NIPSNAP3B: variants seen among roughly 807,000 people sequenced by gnomAD.
The protein encoded by NIPSNAP3B is protein NipSnap homolog 3B.
NIPSNAP3B carries 30 observed loss-of-function variants against 31.5 expected under a neutral mutation model. The ratio of observed to expected loss-of-function variants is 0.95; its 90% CI spans 0.71 to 1.29. The LOEUF is 1.29. Ranked by LOEUF, NIPSNAP3B falls within the 50% of genes most tolerant of loss-of-function variation. The probability of loss-of-function intolerance (pLI) is 0.00; values close to 1 mark genes in which losing one functional copy is unlikely to be tolerated. For synonymous variants in NIPSNAP3B, 106 were observed against 107.9 expected (o/e 0.98, Z 0.11); for missense variants, 269 against 300.7 (o/e 0.89, Z 0.78).
chr9:104,786,922 C>G, the NIPSNAP3B span: 1 of 1,614,036 alleles, frequency 6.2e-7, no homozygotes, highest in Non-Finnish European at 8.5e-7. Context: ...ACACTTAGGG[C>G]ACAATTCCAC....
chr9:104,785,669 G>A, the NIPSNAP3B span: 6 of 1,612,888 alleles, frequency 3.7e-6, no homozygotes, highest in Non-Finnish European at 5.1e-6. Flanking sequence ...CCCAAATGGA[G>A]GATCTCCAGA....
At chr9:104,778,014 A>G (rs1828373101), downstream of NIPSNAP3B, among the ~76,000 whole-genome samples, 1 of 152,164 alleles carries the variant, frequency 6.6e-6, no homozygotes, top group Non-Finnish European at 1.5e-5. Flanking sequence ...ATAATTGACA[A>G]CTTCTGCCTT....
chr9:104,774,988 TC>T lies in NIPSNAP3B; in HGVS notation c.*1916del, dbSNP rs1275298559. Among the ~76,000 whole-genome samples, 7 of 152,060 alleles carry T rather than the reference TC, an allele frequency of 4.6e-5. No homozygotes were observed. The highest frequency in any genetic ancestry group is 7.4e-5 in the Non-Finnish European group (5 of 68,026). ...AAGTTCCCACCCCGTCTGCCCGCTT[TC>T]TACAGCCAACCCCACATGCCCTGCC... On this transcript the variant is annotated 3_prime_UTR_variant, in exon 6 of 6. Coordinates refer to ENST00000374762, the MANE Select transcript of NIPSNAP3B (RefSeq NM_018376.4).
chr9:104,780,657 T>C (rs1828475494), downstream of NIPSNAP3B, among the ~76,000 whole-genome samples: 1 of 152,220 alleles, frequency 6.6e-6, no homozygotes, highest in African/African-American at 2.4e-5. Flanking sequence ...AAAAGGACAC[T>C]GAAGGCTGCC....
chr9:104,783,911 T>C, the NIPSNAP3B span: 1 of 191,070 alleles, frequency 5.2e-6, no homozygotes, highest in Admixed American at 5.4e-5. Flanking sequence ...GGATGTGCAT[T>C]ACCTTTTGAT....
chr9:104,772,923 T>C lies in NIPSNAP3B; in HGVS notation c.667+15T>C. 1.9e-6 allele frequency: 3 copies of C among 1,613,762 alleles called. No individual in the cohort carries two copies. The highest frequency in any genetic ancestry group is 2.5e-6 in the Non-Finnish European group (3 of 1,179,844). The stretch of plus-strand genomic sequence containing the variant: ...TGTGGCGGCTGGTAAGCTGTTTCAC[T>C]AAGCACGAATTATTTTTAGAACAAA... On this transcript the variant is annotated intron_variant, in intron 5 of 5. Transcript: ENST00000374762.
chr9:104,766,631 ATAC>A, intron 2 of NIPSNAP3B, 96 bp downstream of exon 2: 2 of 1,215,066 alleles, frequency 1.6e-6, no homozygotes, highest in Non-Finnish European at 2.4e-6. Context: ...CCATAGATAC[ATAC>A]AGGTTAAGTA....
At chr9:104,770,691 A>T (rs1023682384) in intron 3 of NIPSNAP3B, among the ~76,000 whole-genome samples, 158 bp from the exon 4 acceptor site, 2 of 152,230 alleles carry the variant, frequency 1.3e-5, no homozygotes, top group Non-Finnish European at 2.9e-5. Flanking sequence ...AAAAGCAAAG[A>T]AAAATAATGC....
Position 104,773,319 on chromosome 9 carries a change from C to G in NIPSNAP3B, c.*246C>G. 1 of 428,176 alleles carries G rather than the reference C, an allele frequency of 2.3e-6. No homozygotes were observed. Among genetic ancestry groups the G allele is most frequent in the Non-Finnish European group, 4.1e-6 (1 of 241,338 alleles). The allele number at this position is 428,176 out of a possible 1,614,324, so 26.5% of individuals were successfully genotyped here. On this transcript the variant is annotated 3_prime_UTR_variant, in exon 6 of 6. Coordinates refer to ENST00000374762, the MANE Select transcript of NIPSNAP3B (RefSeq NM_018376.4). Reference sequence around the variant, plus strand: ...TTAGAAGTAGTTGTCACTATTTCATCATCTTGGTTTTTCATTTGTTTTAGA... The same window carrying G: ...TTAGAAGTAGTTGTCACTATTTCATGATCTTGGTTTTTCATTTGTTTTAGA...
chr9:104,784,497 C>A, the NIPSNAP3B span: 1 of 1,612,236 alleles, frequency 6.2e-7, no homozygotes, highest in South Asian at 1.1e-5. Flanking sequence ...TACCACTCAA[C>A]TTGCTCATTC....
At chr9:104,780,870 C>A (rs1461099602), downstream of NIPSNAP3B, 1 of 152,440 alleles carries the variant, frequency 6.6e-6, no homozygotes, top group African/African-American at 2.4e-5. Context: ...CCTCAGTTCT[C>A]TTTTATGATT....
intron 1 of NIPSNAP3B, among the ~76,000 whole-genome samples, chr9:104,765,415 A>C (rs546318246): frequency 1.3e-5 from 2 of 152,336 alleles, no homozygotes; most frequent in African/African-American, 4.8e-5. Context: ...GTGTGTTTAC[A>C]TAAATATTTG....
chr9:104,764,169 C>T lies in NIPSNAP3B; in HGVS notation c.-72C>T. 4 of 1,441,860 alleles carry T rather than the reference C, an allele frequency of 2.8e-6. No homozygotes were observed. The highest frequency in any genetic ancestry group is 1.2e-5 in the South Asian group (1 of 80,432). 89.3% of individuals were successfully genotyped at this position (1,441,860 alleles called of 1,614,324 possible). A position where few individuals can be genotyped will look rare whatever the true frequency, so the allele number is the denominator to read the frequency against. On this transcript the variant is annotated 5_prime_UTR_variant, in exon 1 of 6. Coordinates refer to ENST00000374762, the MANE Select transcript of NIPSNAP3B (RefSeq NM_018376.4). ...CAGTGGTCCAGGAGCCGCTTTTTTC[C>T]ACTCGGGAAGACTTCAGAGAAGTCT...
At chr9:104,766,198 T>C (rs989395781) in intron 1 of NIPSNAP3B, 127 bp from the exon 2 acceptor site, 2 of 688,368 alleles carry the variant, frequency 2.9e-6, no homozygotes, top group African/African-American at 1.8e-5. Context: ...ATATGGAGAA[T>C]TGACAACAAA....
At position 104,764,207 on chromosome 9, in the gene NIPSNAP3B, G is replaced by A. The variant is rs966274392; in HGVS notation, c.-34G>A. ...TTCAGAGAAGTCTCACAAAGGACTC[G>A]GCTGGCTGCTTTTCTCAGTGCCGAA... On this transcript the variant is annotated 5_prime_UTR_variant, in exon 1 of 6. Transcript: ENST00000374762. The A allele has an allele frequency of 4.4e-6, 7 of 1,585,846 alleles. No individual in the cohort carries two copies. Among genetic ancestry groups the A allele is most frequent in the Non-Finnish European group, 6.0e-6 (7 of 1,166,786 alleles).
In NIPSNAP3B at chr9:104,773,292, CATTAGAAGTAG is replaced by C; in HGVS notation, c.*220_*230del. On this transcript the variant is annotated 3_prime_UTR_variant, in exon 6 of 6. Coordinates refer to ENST00000374762, the MANE Select transcript of NIPSNAP3B (RefSeq NM_018376.4). Reference sequence around the variant, plus strand: ...CCTTGGCATTTCAGTATCTGTTACACATTAGAAGTAGTTGTCACTATTTCATCATCTTGGTT... The same window carrying C: ...CCTTGGCATTTCAGTATCTGTTACACTTGTCACTATTTCATCATCTTGGTT... The C allele has an allele frequency of 1.9e-6, 1 of 523,140 alleles. No homozygotes were observed. The highest frequency in any genetic ancestry group is 3.4e-6 in the Non-Finnish European group (1 of 296,816). The allele number at this position is 523,140 out of a possible 1,614,324, so 32.4% of individuals were successfully genotyped here.
chr9:104,764,878 A>G (rs904946869), intron 1 of NIPSNAP3B, among the ~76,000 whole-genome samples: 8 of 151,152 alleles, frequency 5.3e-5, no homozygotes, highest in African/African-American at 1.7e-4. Context: ...AAATGCCACA[A>G]CTCCCGGGAC....
chr9:104,779,808 C>T (rs989699606), downstream of NIPSNAP3B, among the ~76,000 whole-genome samples: 5 of 152,132 alleles, frequency 3.3e-5, no homozygotes, highest in African/African-American at 1.2e-4. Flanking sequence ...GCAGAAGGAT[C>T]ACCTTAGGTC....
At chr9:104,772,737 GACA>G in intron 4 of NIPSNAP3B, 82 bp from the exon 5 acceptor site, 1 of 1,457,310 alleles carries the variant, frequency 6.9e-7, no homozygotes, top group Non-Finnish European at 9.4e-7. Context: ...TAAAGAATAA[GACA>G]ACATTTCTGA....
Sources: allele counts gnomAD v4.1 joint callset (sites outside exome capture counted in the v4.1 genomes callset), GRCh38; gene constraint gnomAD v4.1.1; transcripts MANE v1.5; gene names NCBI Gene and HGNC (gene_info 2026-07-23, HGNC 2026-07-21).